OSBPL10: variants seen among roughly 807,000 people sequenced by gnomAD.
OSBPL10 encodes oxysterol binding protein like 10, also known as oxysterol-binding protein-related protein 10.
A neutral mutation model predicts 81.7 loss-of-function variants in OSBPL10; 49 were observed. The observed-to-expected ratio is 0.60, with a 90% CI of 0.48 to 0.76. OSBPL10 has a LOEUF of 0.76. OSBPL10 is among the 30% of genes least tolerant of loss of function. OSBPL10 has a pLI of 0.00. For synonymous variants in OSBPL10, 419 were observed against 383.6 expected, an observed-to-expected ratio of 1.09 and a Z score of -1.08; for missense variants, 923 against 987.8, an observed-to-expected ratio of 0.93 and a Z score of 0.88.
intron 4 of OSBPL10, among the ~76,000 whole-genome samples, chr3:31,814,190 T>C (rs571435834): frequency 6.6e-6 from 1 of 152,194 alleles, no homozygotes; most frequent in Non-Finnish European, 1.5e-5. Context: ...ATCCCAACAG[T>C]GACAGCTGAC....
intron 4 of OSBPL10, among the ~76,000 whole-genome samples, chr3:31,767,098 A>G (rs1698224682): frequency 6.6e-6 from 1 of 152,198 alleles, no homozygotes; most frequent in African/African-American, 2.4e-5. Context: ...ACTTTTTCAT[A>G]TCAGGTCTGG....
intron 3 of OSBPL10, among the ~76,000 whole-genome samples, chr3:31,863,541 TGTG>T (rs1433511828): frequency 6.6e-6 from 1 of 152,182 alleles, no homozygotes; most frequent in East Asian, 1.9e-4. Flanking sequence ...ACCTAGAAAA[TGTG>T]GTCATAGCAG....
chr3:32,032,340 G>A (rs988534149), intron 2 of OSBPL10, among the ~76,000 whole-genome samples: 7 of 152,032 alleles, frequency 4.6e-5, no homozygotes, highest in Admixed American at 3.3e-4. Context: ...TCTTGAACCC[G>A]GGAGGCAGAG....
chr3:32,006,722 G>C (rs1259807100), intron 2 of OSBPL10, among the ~76,000 whole-genome samples: 3 of 152,134 alleles, frequency 2.0e-5, no homozygotes, highest in Admixed American at 2.0e-4. Context: ...CATATATCAA[G>C]TTCTCATGTA....
At chr3:31,934,268 C>G (rs1174842605) in intron 1 of OSBPL10, among the ~76,000 whole-genome samples, 1 of 151,474 alleles carries the variant, frequency 6.6e-6, no homozygotes, top group African/African-American at 2.4e-5. Context: ...CCTAGGAATT[C>G]AAGATCAGCC....
intron 4 of OSBPL10, among the ~76,000 whole-genome samples, chr3:31,793,991 C>T (rs1699109559): frequency 6.6e-6 from 1 of 152,150 alleles, no homozygotes; most frequent in Non-Finnish European, 1.5e-5. Context: ...TGGTTGGTGT[C>T]GAGTGTCTTT....
At chr3:31,976,549 C>T (rs1698699948) in intron 1 of OSBPL10, among the ~76,000 whole-genome samples, 1 of 152,188 alleles carries the variant, frequency 6.6e-6, no homozygotes, top group Admixed American at 6.5e-5. Context: ...ACCTCTTGTG[C>T]TCAAGCAATC....
At chr3:31,945,323 A>G (rs533144541) in intron 1 of OSBPL10, among the ~76,000 whole-genome samples, 2 of 152,108 alleles carry the variant, frequency 1.3e-5, no homozygotes, top group South Asian at 4.1e-4. Context: ...AGTCAACACC[A>G]GTGACATGGG....
At chr3:31,912,447 G>A (rs929285633) in intron 1 of OSBPL10, among the ~76,000 whole-genome samples, 6 of 151,902 alleles carry the variant, frequency 3.9e-5, no homozygotes, top group East Asian at 1.9e-4. Flanking sequence ...GTCGGGGGGC[G>A]GACATTAGTA....
chr3:31,811,910 T>C (rs1319682690), intron 4 of OSBPL10, among the ~76,000 whole-genome samples: 1 of 152,238 alleles, frequency 6.6e-6, no homozygotes, highest in Non-Finnish European at 1.5e-5. Context: ...ATTATACTTA[T>C]TAATAATTCA....
intron 6 of OSBPL10, among the ~76,000 whole-genome samples, chr3:31,722,387 T>C (rs925671821): frequency 4.0e-5 from 6 of 151,850 alleles, no homozygotes; most frequent in African/African-American, 7.3e-5. Context: ...GGCACAAGAG[T>C]CATCTGCTTG....
intron 1 of OSBPL10, among the ~76,000 whole-genome samples, chr3:31,913,448 C>T (rs1167281434): frequency 6.6e-6 from 1 of 152,060 alleles, no homozygotes; most frequent in African/African-American, 2.4e-5. Context: ...TGGGGTTCCA[C>T]CGTGTTAGCC....
At position 31,810,668 on chromosome 3, in the gene OSBPL10, T is replaced by C. The variant is rs545266237; in HGVS notation, c.729+19372A>G. Reference sequence around the variant, plus strand: ...CAGTTTTCAGGAAAGGAGATGCCAATAGCTTCTATAAATACGAAGTGATGC... The same window carrying C: ...CAGTTTTCAGGAAAGGAGATGCCAACAGCTTCTATAAATACGAAGTGATGC... On this transcript the variant is annotated intron_variant, in intron 4 of 11. Coordinates refer to ENST00000396556, the MANE Select transcript of OSBPL10 (RefSeq NM_017784.5). Among the ~76,000 whole-genome samples the C allele has an allele frequency of 4.6e-5, 7 of 152,302 alleles. 1 individual carries two copies. The South Asian group carries it at 1.5e-3, about 32-fold the overall frequency.
chr3:31,688,778 C>A (rs1478593941), intron 7 of OSBPL10, among the ~76,000 whole-genome samples: 10 of 152,200 alleles, frequency 6.6e-5, no homozygotes, highest in African/African-American at 1.9e-4. Context: ...CCAGCTTACA[C>A]AGAATCTAGC....
chr3:31,968,242 T>C (rs1698457435), intron 1 of OSBPL10, among the ~76,000 whole-genome samples: 1 of 144,240 alleles, frequency 6.9e-6, no homozygotes, highest in Non-Finnish European at 1.5e-5. Context: ...ACAAATGTTG[T>C]CAATCATGTC....
chr3:31,735,938 C>T (rs1234833247), intron 5 of OSBPL10, among the ~76,000 whole-genome samples: 1 of 152,146 alleles, frequency 6.6e-6, no homozygotes, highest in Non-Finnish European at 1.5e-5. Flanking sequence ...ACAGCAGTGT[C>T]CCCAGAACCA....
intron 1 of OSBPL10, among the ~76,000 whole-genome samples, chr3:31,958,424 T>C (rs1256820838): frequency 2.0e-5 from 3 of 152,140 alleles, no homozygotes; most frequent in East Asian, 3.8e-4. Context: ...GTCAGATATA[T>C]GGTGTGTTAT....
At chr3:31,878,887 C>A (rs1333998926) in intron 2 of OSBPL10, among the ~76,000 whole-genome samples, 1 of 150,286 alleles carries the variant, frequency 6.7e-6, no homozygotes, top group Non-Finnish European at 1.5e-5. Flanking sequence ...TGTTTCATTT[C>A]ATTATTTTAT....
chr3:31,808,052 C>A (rs140332651), intron 4 of OSBPL10, among the ~76,000 whole-genome samples: 1 of 152,074 alleles, frequency 6.6e-6, no homozygotes, highest in Non-Finnish European at 1.5e-5. Context: ...ACTTCTATCC[C>A]GATTTTGTAA....
Sources: gnomAD v4.1 joint callset for allele counts (sites outside exome capture counted in the v4.1 genomes callset) on GRCh38, gnomAD v4.1.1 for gene constraint, MANE v1.5 for transcripts, NCBI Gene and HGNC (gene_info 2026-07-23, HGNC 2026-07-21) for gene names.